ODR4: variants seen among roughly 807,000 people sequenced by gnomAD.
ODR4 encodes the protein odr-4 GPCR localization factor homolog.
A neutral mutation model predicts 60.2 loss-of-function variants in ODR4; 47 were observed. The ratio of observed to expected loss-of-function variants is 0.78; its 90% confidence interval spans 0.62 to 1.00. The LOEUF (loss-of-function observed/expected upper bound fraction) is 1.00. Ranked by LOEUF, ODR4 falls within the 50% of genes least tolerant of loss-of-function variation. The probability of loss-of-function intolerance (pLI) is 0.00; values close to 1 mark genes in which losing one functional copy is unlikely to be tolerated. For missense variants in ODR4, 488 were observed against 530.8 expected (o/e 0.92, Z 0.79); for synonymous variants, 178 against 175.5 (o/e 1.01, Z -0.11).
At chr1:186,402,721 G>A (rs566058861) in intron 11 of ODR4, among the ~76,000 whole-genome samples, 38 of 152,240 alleles carry the variant, frequency 2.5e-4, no homozygotes, top group African/African-American at 9.2e-4. Context: ...CCAGGTAGCT[G>A]GGACTACAAG....
At chr1:186,395,303 C>G (rs555384573) in intron 9 of ODR4, among the ~76,000 whole-genome samples, 1 of 152,082 alleles carries the variant, frequency 6.6e-6, no homozygotes, top group Non-Finnish European at 1.5e-5. Context: ...CTGTGTTAGC[C>G]AGGGTGGTCT....
chr1:186,410,847 C>T (rs1334840158), intron 12 of ODR4, among the ~76,000 whole-genome samples: 6 of 151,822 alleles, frequency 4.0e-5, no homozygotes, highest in African/African-American at 1.5e-4. Flanking sequence ...GAAACCCCGT[C>T]TCTACTAAAA....
intron 12 of ODR4, among the ~76,000 whole-genome samples, chr1:186,414,742 G>A (rs755607218): frequency 6.6e-6 from 1 of 151,954 alleles, no homozygotes. Context: ...GGATGATCTC[G>A]ATCTCCTGAC....
At chr1:186,378,922 G>C (rs1659905223) in intron 1 of ODR4, among the ~76,000 whole-genome samples, 1 of 152,170 alleles carries the variant, frequency 6.6e-6, no homozygotes, top group Non-Finnish European at 1.5e-5. Context: ...AGTATGTATT[G>C]CTCAAGGACA....
chr1:186,406,687 CTT>C, intron 12 of ODR4, among the ~76,000 whole-genome samples: 1 of 148,728 alleles, frequency 6.7e-6, no homozygotes, highest in South Asian at 2.1e-4. Context: ...TATTATTTGC[CTT>C]TTTTTTTTCA....
chr1:186,387,533 A>G (rs1353029388), intron 4 of ODR4, among the ~76,000 whole-genome samples: 3 of 152,196 alleles, frequency 2.0e-5, no homozygotes, highest in Non-Finnish European at 4.4e-5. Flanking sequence ...CTCTGACATT[A>G]CTGAGTTTCA....
chr1:186,428,858 A>G, the ODR4 span, among the ~76,000 whole-genome samples: 2 of 152,204 alleles, frequency 1.3e-5, no homozygotes, highest in African/African-American at 4.8e-5. Context: ...AATTTTATCA[A>G]TTAAGTTTGC....
chr1:186,405,264 G>A (rs1483528481), intron 11 of ODR4, among the ~76,000 whole-genome samples: 1 of 151,960 alleles, frequency 6.6e-6, no homozygotes, highest in African/African-American at 2.4e-5. Flanking sequence ...ATAGGAAGGG[G>A]GCTACATCTA....
At chr1:186,380,781 A>G (rs750049970) in intron 2 of ODR4, among the ~76,000 whole-genome samples, 21 of 152,194 alleles carry the variant, frequency 1.4e-4, no homozygotes, top group Admixed American at 5.2e-4. Context: ...GATTCTACCC[A>G]TATTCCCAAG....
chr1:186,376,515 T>C (rs888332429), intron 1 of ODR4, among the ~76,000 whole-genome samples: 1 of 152,210 alleles, frequency 6.6e-6, no homozygotes, highest in African/African-American at 2.4e-5. Flanking sequence ...GGGCCTTCTG[T>C]GAATTGGTGA....
At chr1:186,393,883 A>G (rs1660564666) in intron 8 of ODR4, 64 bp from the exon 9 acceptor site, 1 of 851,984 alleles carries the variant, frequency 1.2e-6, no homozygotes, top group African/African-American at 1.7e-5. Flanking sequence ...ACAATAGTTT[A>G]TAAGTTGTCT....
chr1:186,377,180 T>C (rs755579093), intron 1 of ODR4, among the ~76,000 whole-genome samples: 1 of 152,220 alleles, frequency 6.6e-6, no homozygotes, highest in South Asian at 2.1e-4. Flanking sequence ...TTATATTATA[T>C]TGTTTAGGGA....
intron 3 of ODR4, among the ~76,000 whole-genome samples, chr1:186,384,266 G>A (rs1660158917): frequency 6.6e-6 from 1 of 151,890 alleles, no homozygotes; most frequent in Non-Finnish European, 1.5e-5. Flanking sequence ...GGCCAGAGAG[G>A]AAGCAAGGGG....
At chr1:186,423,955 GTCTT>G (rs1165594584), downstream of ODR4, among the ~76,000 whole-genome samples, 1 of 152,184 alleles carries the variant, frequency 6.6e-6, no homozygotes, top group Non-Finnish European at 1.5e-5. Flanking sequence ...ATGTGCCTCA[GTCTT>G]TCACACTGCA....
chr1:186,386,099 C>A lies in ODR4; in HGVS notation c.330+16C>A. On this transcript the variant is annotated intron_variant, in intron 4 of 13. Transcript: ENST00000287859. ...CCTGCGTAGAGTAAGTTTGATATATCGAAAATTCTTAATGAAATCAGTTAT... is the reference window on the plus strand; with the variant it reads ...CCTGCGTAGAGTAAGTTTGATATATAGAAAATTCTTAATGAAATCAGTTAT... 1 of 1,431,756 alleles carries A rather than the reference C, an allele frequency of 7.0e-7. No individual in the cohort carries two copies. Among genetic ancestry groups the A allele is most frequent in the Non-Finnish European group, 9.6e-7 (1 of 1,039,508 alleles). 88.7% of individuals were successfully genotyped at this position (1,431,756 alleles called of 1,614,324 possible).
At chr1:186,430,092 T>G in the ODR4 span, among the ~76,000 whole-genome samples, 2 of 152,208 alleles carry the variant, frequency 1.3e-5, no homozygotes, top group Non-Finnish European at 2.9e-5. Flanking sequence ...AGGGAAAAGA[T>G]TTGTTAGATT....
At position 186,415,169 on chromosome 1, in the gene ODR4, AAGAAT is replaced by A. The variant is rs1201142036; in HGVS notation, c.1187-2372_1187-2368del. 2.0e-5 allele frequency among the ~76,000 whole-genome samples: 3 copies of A among 152,136 alleles called. No homozygotes were observed. In the South Asian group the frequency reaches 6.2e-4, roughly 31 times the overall value. ...AAATGCTAGAAGAAGAAAAAGAAAA[AAGAAT>A]AGTGGTGCCCTTATTTCTAATAAGA... On this transcript the variant is annotated intron_variant, in intron 12 of 13. Coordinates refer to ENST00000287859, the MANE Select transcript of ODR4 (RefSeq NM_017847.6).
chr1:186,386,087 A>G lies in ODR4; in HGVS notation c.330+4A>G. 6.6e-7 allele frequency: 1 copy of G among 1,525,190 alleles called. No individual in the cohort carries two copies. The highest frequency in any genetic ancestry group is 9.0e-7 in the Non-Finnish European group (1 of 1,116,942). The allele number at this position is 1,525,190 out of a possible 1,614,324, so 94.5% of individuals were successfully genotyped here. ...TTTTCAAAATGCCCTGCGTAGAGTA[A>G]GTTTGATATATCGAAAATTCTTAAT... On this transcript the variant is annotated splice_donor_region_variant and intron_variant, in intron 4 of 13. Transcript: ENST00000287859.
rs551525562 is a variant in ODR4 at position 186,390,131 on chromosome 1, T to C, written c.474+507T>C. 3.5e-4 allele frequency among the ~76,000 whole-genome samples: 54 copies of C among 152,248 alleles called. 1 individual carries two copies. In the South Asian group the frequency reaches 0.011, roughly 31 times the overall value. ...AACTTTTTAAAAAATTGTTAAAATA[T>C]CTTTGTTAATCTCCTCCTACCTTGT... On this transcript the variant is annotated intron_variant, in intron 6 of 13. Transcript: ENST00000287859.
Sources: allele counts gnomAD v4.1 joint callset (sites outside exome capture counted in the v4.1 genomes callset), GRCh38; gene constraint gnomAD v4.1.1; transcripts MANE v1.5; gene names NCBI Gene and HGNC (gene_info 2026-07-23, HGNC 2026-07-21).